RPAP3: variants seen among roughly 807,000 people sequenced by gnomAD.
The protein encoded by RPAP3 is RNA polymerase II-associated protein 3.
Under a neutral mutation model 88.8 loss-of-function variants are expected in RPAP3, and 58 were observed. The ratio of observed to expected loss-of-function variants is 0.65; its 90% CI spans 0.53 to 0.81. The LOEUF (loss-of-function observed/expected upper bound fraction) is 0.81. Among genes scored for constraint, RPAP3 ranks in the 40% least tolerant of loss-of-function variants. The probability of loss-of-function intolerance (pLI) is 0.00; values close to 1 mark genes in which losing one functional copy is unlikely to be tolerated. For synonymous variants in RPAP3, 255 were observed against 259.9 expected, an observed-to-expected ratio of 0.98 and a Z score of 0.18; for missense variants, 751 against 764.3, an observed-to-expected ratio of 0.98 and a Z score of 0.20.
intron 16 of RPAP3, among the ~76,000 whole-genome samples, chr12:47,663,890 T>C (rs1005618579): frequency 6.6e-6 from 1 of 152,226 alleles, no homozygotes; most frequent in Non-Finnish European, 1.5e-5. Flanking sequence ...TAAAAATGTT[T>C]ACCCTATCTG....
At chr12:47,674,084 TA>T (rs34101861) in intron 12 of RPAP3, among the ~76,000 whole-genome samples, 28 of 123,316 alleles carry the variant, frequency 2.3e-4, no homozygotes, top group Middle Eastern at 4.3e-3. Flanking sequence ...TTAAAGATTC[TA>T]AAAAAAAAAA....
At chr12:47,666,874 A>C (rs937636876) in intron 16 of RPAP3, 106 bp downstream of exon 16, 7 of 350,806 alleles carry the variant, frequency 2.0e-5, no homozygotes, top group Admixed American at 4.6e-5. Context: ...ATTTAATTAA[A>C]TATAACCTTA....
At position 47,701,611 on chromosome 12, in the gene RPAP3, A is replaced by G. The variant is rs752715604; in HGVS notation, c.154-7T>C. On this transcript the variant is annotated splice_polypyrimidine_tract_variant and splice_region_variant and intron_variant, in intron 2 of 16. Coordinates refer to ENST00000005386, the MANE Select transcript of RPAP3 (RefSeq NM_024604.3). ...TTCGAATAGGAGGTAAATTCTAAGG[A>G]GGGAAAAAAAAACACAAAGTTGTGA... 6.4e-7 allele frequency: 1 copy of G among 1,566,900 alleles called. No individual in the cohort carries two copies. Among genetic ancestry groups the G allele is most frequent in the Non-Finnish European group, 8.6e-7 (1 of 1,161,212 alleles).
intron 14 of RPAP3, among the ~76,000 whole-genome samples, chr12:47,668,374 G>A (rs895044831): frequency 2.6e-5 from 4 of 152,058 alleles, no homozygotes; most frequent in Non-Finnish European, 5.9e-5. Context: ...AGAGAGACAG[G>A]AAACTTTAAA....
At chr12:47,675,935 A>C (rs1939104830) in intron 12 of RPAP3, among the ~76,000 whole-genome samples, 1 of 152,218 alleles carries the variant, frequency 6.6e-6, no homozygotes, top group South Asian at 2.1e-4. Context: ...AAATCAACAG[A>C]ATATACATTC....
rs1349077914 is a variant in RPAP3, at chr12:47,701,619, A to G, written c.154-15T>C. 2 of 1,563,658 alleles carry G rather than the reference A, an allele frequency of 1.3e-6. No individual in the cohort carries two copies. Among genetic ancestry groups the G allele is most frequent in the African/African-American group, 1.4e-5 (1 of 72,146 alleles). On this transcript the variant is annotated splice_polypyrimidine_tract_variant and intron_variant, in intron 2 of 16. Coordinates refer to ENST00000005386, the MANE Select transcript of RPAP3 (RefSeq NM_024604.3). ...GGAGGTAAATTCTAAGGAGGGAAAA[A>G]AAAACACAAAGTTGTGAGTATTATG...
intron 12 of RPAP3, among the ~76,000 whole-genome samples, chr12:47,675,774 A>C (rs1311406244): frequency 1.3e-5 from 2 of 152,198 alleles, no homozygotes; most frequent in Non-Finnish European, 2.9e-5. Flanking sequence ...AAAGAGACTT[A>C]GACTCCCAAA....
chr12:47,701,332 C>T, intron 3 of RPAP3, 132 bp downstream of exon 3: 1 of 562,500 alleles, frequency 1.8e-6, no homozygotes, highest in Non-Finnish European at 2.9e-6. Context: ...ATGTTTATTC[C>T]ACATAAAATC....
rs1939353199 is a variant in RPAP3 at position 47,687,771 on chromosome 12, A to G, written c.864+105T>C. On this transcript the variant is annotated intron_variant, in intron 8 of 16. Transcript: ENST00000005386. ...GCATTTAATTCCCAATTCCTACTCA[A>G]GCAAAACTTTAATATTAGAGAAGAA... 9 of 1,349,078 alleles carry G rather than the reference A, an allele frequency of 6.7e-6. No individual in the cohort carries two copies. The South Asian group carries it at 1.5e-4, about 23-fold the overall frequency. The allele number at this position is 1,349,078 out of a possible 1,614,324, so 83.6% of individuals were successfully genotyped here.
At chr12:47,703,695 G>A (rs1332646805) in intron 1 of RPAP3, among the ~76,000 whole-genome samples, 1 of 152,158 alleles carries the variant, frequency 6.6e-6, no homozygotes, top group East Asian at 1.9e-4. Flanking sequence ...GGCAGGCAGA[G>A]TGAGGAATTA....
rs985173863 is a variant in RPAP3, at chr12:47,661,960, A to C, written c.*1545T>G. 6.6e-6 allele frequency: 1 copy of C among 152,152 alleles called. No homozygotes were observed. Among genetic ancestry groups the C allele is most frequent in the Non-Finnish European group, 1.5e-5 (1 of 68,022 alleles). The allele number at this position is 152,152 out of a possible 1,614,324, so 9.4% of individuals were successfully genotyped here. On this transcript the variant is annotated 3_prime_UTR_variant, in exon 17 of 17. Transcript: ENST00000005386. ...CTTACATTAATAAAAACAGAAATTT[A>C]TTTCTTACAGTTCTGGAGGATGGGG...
rs190469889 is a variant in RPAP3 at position 47,702,769 on chromosome 12, A to C, written c.72T>G (p.Phe24Leu). 2.9e-5 allele frequency: 47 copies of C among 1,612,662 alleles called. No homozygotes were observed. The African/African-American group carries it at 3.7e-4, about 13-fold the overall frequency. The change falls in exon 2 of 17, where the codon TTT (phenylalanine) becomes TTG (leucine). Residue 24 changes from phenylalanine to leucine, a missense_variant. Coordinates refer to ENST00000005386, the MANE Select transcript of RPAP3 (RefSeq NM_024604.3). Reference sequence around the variant, plus strand: ...TTTCCCAGTTTTCTAAATCCCGCATAAAGTCTTGTAATTCTTCTGCATTTT... The same window carrying C: ...TTTCCCAGTTTTCTAAATCCCGCATCAAGTCTTGTAATTCTTCTGCATTTT... ...VKQNAEELQDFMRDLENWEKD... is the reference protein window; with the variant it reads ...VKQNAEELQDLMRDLENWEKD...
intron 9 of RPAP3, among the ~76,000 whole-genome samples, chr12:47,683,955 CCT>C (rs1166667934): frequency 6.6e-6 from 1 of 152,118 alleles, no homozygotes; most frequent in Non-Finnish European, 1.5e-5. Flanking sequence ...AACTCTCAAC[CCT>C]GTTTCCCAAA....
intron 12 of RPAP3, among the ~76,000 whole-genome samples, chr12:47,673,062 T>C (rs768029694): frequency 1.3e-5 from 2 of 152,002 alleles, no homozygotes; most frequent in African/African-American, 4.8e-5. Flanking sequence ...GAACAGTAAA[T>C]AAATATATGA....
chr12:47,663,321 AAC>A lies in RPAP3; in HGVS notation c.*182_*183del, dbSNP rs1382699665. 1.6e-5 allele frequency: 7 copies of A among 450,680 alleles called. No individual in the cohort carries two copies. Among genetic ancestry groups the A allele is most frequent in the South Asian group, 4.3e-5 (1 of 23,368 alleles). 27.9% of individuals were successfully genotyped at this position (450,680 alleles called of 1,614,324 possible). On this transcript the variant is annotated 3_prime_UTR_variant, in exon 17 of 17. Coordinates refer to ENST00000005386, the MANE Select transcript of RPAP3 (RefSeq NM_024604.3). ...TTGTTTATATTTTTATTTTCAGAAA[AAC>A]AGAGTTCACTTGAATACAATTCTCA...
chr12:47,702,916 T>G, intron 1 of RPAP3, 70 bp from the exon 2 acceptor site: 3 of 1,290,044 alleles, frequency 2.3e-6, no homozygotes, highest in Non-Finnish European at 2.1e-6. Context: ...GAAAGCTAGC[T>G]AATTATCTTT....
intron 3 of RPAP3, among the ~76,000 whole-genome samples, chr12:47,700,676 T>C (rs1592488490): frequency 6.6e-6 from 1 of 152,318 alleles, no homozygotes; most frequent in East Asian, 1.9e-4. Flanking sequence ...AGAGCACTGA[T>C]GGTGATTCTC....
At chr12:47,697,762 T>G (rs774522736) in intron 3 of RPAP3, 43 bp from the exon 4 acceptor site, 1 of 1,537,904 alleles carries the variant, frequency 6.5e-7, no homozygotes, top group South Asian at 1.3e-5. Flanking sequence ...ATTATATGAT[T>G]AGGAAAAAAA....
intron 10 of RPAP3, among the ~76,000 whole-genome samples, 196 bp from the exon 11 acceptor site, chr12:47,679,970 C>T (rs1285375124): frequency 1.3e-5 from 2 of 152,142 alleles, no homozygotes; most frequent in South Asian, 2.1e-4. Flanking sequence ...TGAATGTTCA[C>T]GTAACCCTCA....
Sources: gnomAD v4.1 joint callset for allele counts (sites outside exome capture counted in the v4.1 genomes callset) on GRCh38, gnomAD v4.1.1 for gene constraint, MANE v1.5 for transcripts, NCBI Gene and HGNC (gene_info 2026-07-23, HGNC 2026-07-21) for gene names.